Variants in ETV1 observed in about 807,000 individuals in gnomAD.
ETV1 encodes the protein ETS translocation variant 1.
In ETV1, 27 loss-of-function variants were observed where a neutral mutation model predicts 62.3. The observed-to-expected ratio is 0.43, with a 90% CI of 0.32 to 0.60. The LOEUF (loss-of-function observed/expected upper bound fraction) is 0.60. Ranked by LOEUF, ETV1 falls within the 20% of genes least tolerant of loss-of-function variation. The pLI is 0.06. For synonymous variants in ETV1, 222 were observed against 199.6 expected, an observed-to-expected ratio of 1.11 and a Z score of -0.94; for missense variants, 605 against 605.8, an observed-to-expected ratio of 1.00 and a Z score of 0.01.
chr7:13,971,033 A>C (rs1780852188), intron 6 of ETV1, among the ~76,000 whole-genome samples: 1 of 152,056 alleles, frequency 6.6e-6, no homozygotes, highest in Non-Finnish European at 1.5e-5. Flanking sequence ...GTGCGATGGC[A>C]CGATCTTGGC....
intron 5 of ETV1, among the ~76,000 whole-genome samples, chr7:13,977,846 C>A (rs1289931761): frequency 6.6e-6 from 1 of 152,000 alleles, no homozygotes; most frequent in Non-Finnish European, 1.5e-5. Flanking sequence ...TCACCCACTG[C>A]CAGTGTGTAA....
At chr7:13,929,947 C>T (rs1785896441) in intron 9 of ETV1, among the ~76,000 whole-genome samples, 1 of 152,156 alleles carries the variant, frequency 6.6e-6, no homozygotes, top group East Asian at 1.9e-4. Flanking sequence ...ACTGGTAACT[C>T]AAGACCTGGA....
At chr7:13,962,800 A>G (rs530141405) in intron 6 of ETV1, among the ~76,000 whole-genome samples, 3 of 152,316 alleles carry the variant, frequency 2.0e-5, no homozygotes, top group Admixed American at 1.3e-4. Context: ...GCATTATGTT[A>G]TAAATTAGAA....
chr7:13,919,692 G>A (rs1784610830), intron 9 of ETV1, among the ~76,000 whole-genome samples: 5 of 151,582 alleles, frequency 3.3e-5, no homozygotes, highest in Admixed American at 3.3e-4. Context: ...AATGTTTTAT[G>A]AAATAAAATG....
At chr7:13,911,166 A>C (rs1783521941) in intron 10 of ETV1, 73 bp downstream of exon 10, 1 of 991,954 alleles carries the variant, frequency 1.0e-6, no homozygotes, top group East Asian at 2.5e-5. Context: ...TGATTAATTA[A>C]ATGACGTCAT....
intron 6 of ETV1, among the ~76,000 whole-genome samples, chr7:13,942,726 G>C (rs2128463617): frequency 6.6e-6 from 1 of 152,178 alleles, no homozygotes; most frequent in South Asian, 2.1e-4. Context: ...CGACATATAA[G>C]GAATTCAAGT....
In ETV1 at chr7:13,909,273, C is replaced by T. The variant is rs1005968888; in HGVS notation, c.940+359G>A. Among the ~76,000 whole-genome samples, 20 of 152,080 alleles carry T rather than the reference C, an allele frequency of 1.3e-4. 1 individual carries two copies. The highest frequency in any genetic ancestry group is 1.1e-3 in the Admixed American group (17 of 15,260). On this transcript the variant is annotated intron_variant, in intron 11 of 13. Coordinates refer to ENST00000430479, the MANE Select transcript of ETV1 (RefSeq NM_004956.5). ...AGTCATCGGTCCATCCACAGCAGCACGTTTTCTGCTCTGCTTTGTTAATTA... is the reference window on the plus strand; with the variant it reads ...AGTCATCGGTCCATCCACAGCAGCATGTTTTCTGCTCTGCTTTGTTAATTA...
intron 9 of ETV1, among the ~76,000 whole-genome samples, chr7:13,911,775 T>C (rs79118259): frequency 0.13 from 19,173 of 152,156 alleles, 1,331 homozygotes; most frequent in East Asian, 0.26. Flanking sequence ...TACTATGCCT[T>C]CTTCATATGA....
At chr7:13,918,544 G>GCAGC (rs537199076) in intron 9 of ETV1, among the ~76,000 whole-genome samples, 3,875 of 152,112 alleles carry the variant, frequency 0.025, 72 homozygotes, top group Middle Eastern at 0.082. Flanking sequence ...GGAATACTAT[G>GCAGC]CAGCCATAAA....
At chr7:13,981,407 T>C (rs190312003) in intron 5 of ETV1, among the ~76,000 whole-genome samples, 110 of 152,158 alleles carry the variant, frequency 7.2e-4, no homozygotes, top group African/African-American at 2.5e-3. Context: ...GCAAGTAAAC[T>C]TGGACTTGCA....
chr7:13,935,882 T>C lies in ETV1; in HGVS notation c.380A>G (p.Lys127Arg), dbSNP rs1405710659. The C allele has an allele frequency of 6.2e-7, 1 of 1,613,502 alleles. No individual in the cohort carries two copies. Among genetic ancestry groups the C allele is most frequent in the East Asian group, 2.2e-5 (1 of 44,866 alleles). The part of the protein sequence containing the change: ...CLYNVSAYDQ[K>R]PQVGMRPSNP... ...GGAGGGCCTCATTCCCACTTGTGGC[T>C]TCTGATCATAGGCACTACCCAGGGG... The change falls in exon 8 of 14, where the codon AAG becomes AGG. Residue 127 changes from lysine (K) to arginine (R), a missense_variant. By Grantham distance (26) the Lys-to-Arg change is conservative. Around this residue, in one of 3 missense-constraint regions of ETV1, gnomAD observed 426 missense variants for 377.8 expected, o/e 1.13. Coordinates refer to ENST00000430479, the MANE Select transcript of ETV1 (RefSeq NM_004956.5).
chr7:13,972,000 T>A (rs1780953131), intron 6 of ETV1, among the ~76,000 whole-genome samples: 1 of 151,880 alleles, frequency 6.6e-6, no homozygotes, highest in African/African-American at 2.4e-5. Context: ...TAATCCCAGC[T>A]ACCTAGGAGG....
chr7:13,895,545 T>A lies in ETV1; in HGVS notation c.*321A>T. On this transcript the variant is annotated 3_prime_UTR_variant, in exon 14 of 14. Coordinates refer to ENST00000430479, the MANE Select transcript of ETV1 (RefSeq NM_004956.5). ...ATGTTGTTATGAAATCAAACAGACATGATATAGTTTCATCATACTCAAAAC... is the reference window on the plus strand; with the variant it reads ...ATGTTGTTATGAAATCAAACAGACAAGATATAGTTTCATCATACTCAAAAC... 1 of 327,106 alleles carries A rather than the reference T, an allele frequency of 3.1e-6. No individual in the cohort carries two copies. The highest frequency in any genetic ancestry group is 8.1e-5 in the South Asian group (1 of 12,348). The allele number at this position is 327,106 out of a possible 1,614,324, so 20.3% of individuals were successfully genotyped here.
chr7:13,936,087 G>T (rs1037274654), intron 7 of ETV1, among the ~76,000 whole-genome samples, 191 bp from the exon 8 acceptor site: 1 of 152,110 alleles, frequency 6.6e-6, no homozygotes, highest in Admixed American at 6.6e-5. Flanking sequence ...ACAGAAAATA[G>T]GATGATTAAT....
Position 13,909,573 on chromosome 7 carries a change from C to A in ETV1, c.940+59G>T, listed in dbSNP as rs576738744. On this transcript the variant is annotated intron_variant, in intron 11 of 13. Transcript: ENST00000430479. The stretch of plus-strand genomic sequence containing the variant: ...GGATGTCCACTGTTTTCAGAAGAAG[C>A]GAAGGTAATCACTCCATCTTTAAAA... 3.3e-6 allele frequency: 4 copies of A among 1,221,754 alleles called. No homozygotes were observed. In the African/African-American group the frequency reaches 6.0e-5, roughly 18 times the overall value. The allele number at this position is 1,221,754 out of a possible 1,614,324, so 75.7% of individuals were successfully genotyped here. A position where few individuals can be genotyped will look rare whatever the true frequency, so the allele number is the denominator to read the frequency against.
At chr7:13,909,721 C>T (rs779573057) in intron 10 of ETV1, 21 bp from the exon 11 acceptor site, 2 of 1,581,222 alleles carry the variant, frequency 1.3e-6, no homozygotes, top group Non-Finnish European at 1.7e-6. Flanking sequence ...AAAAGGAATA[C>T]ATTTATTCAT....
At chr7:13,933,820 C>T (rs528573926) in intron 8 of ETV1, among the ~76,000 whole-genome samples, 6 of 152,248 alleles carry the variant, frequency 3.9e-5, no homozygotes, top group South Asian at 2.1e-4. Flanking sequence ...CTTGGAGTTC[C>T]GGGCCGGCTG....
At chr7:13,908,352 T>C (rs1037103129) in intron 11 of ETV1, among the ~76,000 whole-genome samples, 1 of 152,168 alleles carries the variant, frequency 6.6e-6, no homozygotes, top group Non-Finnish European at 1.5e-5. Flanking sequence ...CTTTCTTATA[T>C]GCCCTTACTA....
At chr7:13,929,587 C>A (rs906059936) in intron 9 of ETV1, among the ~76,000 whole-genome samples, 2 of 152,278 alleles carry the variant, frequency 1.3e-5, no homozygotes, top group East Asian at 1.9e-4. Context: ...GAGTTTCACA[C>A]ATCAAGATCC....
Sources: gnomAD v4.1 joint callset for allele counts (sites outside exome capture counted in the v4.1 genomes callset) on GRCh38, gnomAD v4.1.1 for gene constraint, gnomAD v4.1.1 regional missense constraint, MANE v1.5 for transcripts, NCBI Gene and HGNC (gene_info 2026-07-23, HGNC 2026-07-21) for gene names.